The following CNTLN variants were observed in gnomAD, a reference collection of about 807,000 sequenced individuals.
The protein encoded by CNTLN is centlein.
A neutral mutation model predicts 180.0 loss-of-function variants in CNTLN; 212 were observed. The observed-to-expected ratio is 1.18, with a 90% CI of 1.05 to 1.32. The LOEUF is 1.32. CNTLN is among the 40% of genes most tolerant of loss of function. CNTLN has a pLI of 0.00. For missense variants in CNTLN, 2,095 were observed against 1,610.9 expected (o/e 1.30, Z -5.14); for synonymous variants, 722 against 563.1 (o/e 1.28, Z -3.99).
intron 23 of CNTLN, among the ~76,000 whole-genome samples, chr9:17,477,118 A>G (rs1292954478): frequency 1.3e-5 from 2 of 152,184 alleles, no homozygotes; most frequent in Non-Finnish European, 2.9e-5. Context: ...CAAAGCCTAA[A>G]TGACAACACA....
At chr9:17,212,462 T>G (rs1044264810) in intron 2 of CNTLN, among the ~76,000 whole-genome samples, 3 of 152,224 alleles carry the variant, frequency 2.0e-5, no homozygotes, top group African/African-American at 7.2e-5. Flanking sequence ...TTTGCCAGTA[T>G]TTTATTAAGG....
intron 24 of CNTLN, among the ~76,000 whole-genome samples, chr9:17,486,683 C>G (rs996158331): frequency 1.3e-5 from 2 of 152,038 alleles, no homozygotes; most frequent in African/African-American, 4.8e-5. Context: ...ATAACTCCAT[C>G]TGATTTTTCA....
At chr9:17,174,914 T>C (rs1820628842) in intron 2 of CNTLN, among the ~76,000 whole-genome samples, 3 of 152,204 alleles carry the variant, frequency 2.0e-5, no homozygotes, top group Admixed American at 2.0e-4. Context: ...ATGTTGAACA[T>C]CTTTTCCTGT....
chr9:17,331,071 A>G (rs539121404), intron 9 of CNTLN, among the ~76,000 whole-genome samples: 2 of 152,104 alleles, frequency 1.3e-5, no homozygotes, highest in Admixed American at 6.5e-5. Context: ...ACATTCTTAT[A>G]TTAAAACTTT....
intron 2 of CNTLN, among the ~76,000 whole-genome samples, chr9:17,172,001 A>T (rs995038144): frequency 1.1e-4 from 17 of 152,096 alleles, no homozygotes; most frequent in African/African-American, 3.9e-4. Flanking sequence ...GGTGGCTTCA[A>T]TGTTTGAGGC....
chr9:17,294,490 AC>A (rs1310994749), intron 6 of CNTLN, among the ~76,000 whole-genome samples: 8 of 151,640 alleles, frequency 5.3e-5, no homozygotes. Context: ...AGGTAGACAC[AC>A]GGTGCTGATT....
chr9:17,301,213 A>C (rs634446), intron 7 of CNTLN: 145,190 of 984,422 alleles, frequency 0.15, 12,438 homozygotes, highest in African/African-American at 0.35. Flanking sequence ...GTCTTTACTA[A>C]ATTGGGAGAA....
At chr9:17,240,165 T>G (rs537086375) in intron 5 of CNTLN, among the ~76,000 whole-genome samples, 139 of 152,268 alleles carry the variant, frequency 9.1e-4, no homozygotes, top group African/African-American at 3.2e-3. Flanking sequence ...GGGTATAAAT[T>G]TGCACTTCTT....
chr9:17,352,419 T>TTG, intron 12 of CNTLN, among the ~76,000 whole-genome samples: 1 of 24,226 alleles, frequency 4.1e-5, no homozygotes, highest in East Asian at 1.9e-3. Flanking sequence ...TATATATATT[T>TTG]TTTTTTTTTT....
At chr9:17,491,276 T>C (rs1183518605) in intron 25 of CNTLN, among the ~76,000 whole-genome samples, 1 of 152,036 alleles carries the variant, frequency 6.6e-6, no homozygotes, top group African/African-American at 2.4e-5. Flanking sequence ...TTATTTCAGG[T>C]TTGGAGAATA....
intron 15 of CNTLN, among the ~76,000 whole-genome samples, chr9:17,403,948 G>A (rs1450344782): frequency 6.6e-6 from 1 of 151,586 alleles, no homozygotes; most frequent in Non-Finnish European, 1.5e-5. Flanking sequence ...GCTAATTTTT[G>A]TATTTTTAAT....
rs138741689 is a variant in CNTLN at position 17,248,141 on chromosome 9, C to G, written c.849+11553C>G. On this transcript the variant is annotated intron_variant, in intron 5 of 25. Transcript: ENST00000380647. The stretch of plus-strand genomic sequence containing the variant: ...GCACCCAGCCTCGTCTTTCACTATA[C>G]TGGTGTGGTGTACTCTATTAATTGA... 2.8e-3 allele frequency among the ~76,000 whole-genome samples: 430 copies of G among 152,276 alleles called. 2 individuals are homozygous for G. The highest frequency in any genetic ancestry group is 9.9e-3 in the African/African-American group (410 of 41,558).
At chr9:17,260,361 T>G (rs930841746) in intron 5 of CNTLN, among the ~76,000 whole-genome samples, 1 of 151,394 alleles carries the variant, frequency 6.6e-6, no homozygotes, top group African/African-American at 2.5e-5. Context: ...TAATTTCTGT[T>G]CTTTTACATT....
chr9:17,437,790 CTG>C (rs1829865229), intron 18 of CNTLN, among the ~76,000 whole-genome samples: 1 of 151,930 alleles, frequency 6.6e-6, no homozygotes, highest in Non-Finnish European at 1.5e-5. Flanking sequence ...TAAAAGGAAA[CTG>C]TGAGATATAG....
At chr9:17,177,841 G>T (rs1190516198) in intron 2 of CNTLN, among the ~76,000 whole-genome samples, 1 of 152,164 alleles carries the variant, frequency 6.6e-6, no homozygotes, top group Non-Finnish European at 1.5e-5. Flanking sequence ...TCCACAGTAT[G>T]GAAGGGGACC....
intron 23 of CNTLN, among the ~76,000 whole-genome samples, chr9:17,480,204 A>C (rs990691695): frequency 6.6e-5 from 10 of 152,040 alleles, no homozygotes; most frequent in African/African-American, 2.4e-4. Flanking sequence ...AAAACAAAAA[A>C]ACATATCCGT....
At position 17,144,449 on chromosome 9, in the gene CNTLN, C is replaced by T. The variant is rs117652804; in HGVS notation, c.449+1073C>T. On this transcript the variant is annotated intron_variant, in intron 2 of 25. Transcript: ENST00000380647. ...TAGTAGAATAAGCCTTCTAGAGAAG[C>T]CTTGGGACTTCAATTGTCATTTCCG... is the stretch of plus-strand genomic sequence containing the variant. Among the ~76,000 whole-genome samples, 123 of 152,170 alleles carry T rather than the reference C, an allele frequency of 8.1e-4. 2 individuals are homozygous for T. The East Asian group carries it at 0.022, about 28-fold the overall frequency.
At chr9:17,266,451 C>G (rs972746113) in intron 5 of CNTLN, among the ~76,000 whole-genome samples, 1 of 152,098 alleles carries the variant, frequency 6.6e-6, no homozygotes, top group Non-Finnish European at 1.5e-5. Flanking sequence ...GAGAGCTTTG[C>G]TTCCCAGTAT....
At chr9:17,215,913 A>T (rs1027949105) in intron 2 of CNTLN, among the ~76,000 whole-genome samples, 3 of 152,138 alleles carry the variant, frequency 2.0e-5, no homozygotes, top group Admixed American at 2.0e-4. Context: ...GCGCAGTATT[A>T]GGGTGGGAGT....
Sources: allele counts gnomAD v4.1 joint callset (sites outside exome capture counted in the v4.1 genomes callset), GRCh38; gene constraint gnomAD v4.1.1; transcripts MANE v1.5; gene names NCBI Gene and HGNC (gene_info 2026-07-23, HGNC 2026-07-21).